Variants in CNGB1 observed in about 807,000 individuals in gnomAD.
The protein encoded by CNGB1 is cyclic nucleotide-gated channel beta-1.
CNGB1 carries 126 observed loss-of-function variants against 151.7 expected under a neutral mutation model. The observed-to-expected ratio is 0.83, with a 90% CI of 0.72 to 0.96. CNGB1 has a LOEUF of 0.96. Among genes scored for constraint, CNGB1 ranks in the 40% least tolerant of loss-of-function variants. The probability of loss-of-function intolerance (pLI) is 0.00; values close to 1 mark genes in which losing one functional copy is unlikely to be tolerated. For synonymous variants in CNGB1, 623 were observed against 635.1 expected (o/e 0.98, Z 0.29); for missense variants, 1,698 against 1,627.0 (o/e 1.04, Z -0.75).
chr16:57,924,309 C>T lies in CNGB1; in HGVS notation c.1536-929G>A, dbSNP rs568380967. The stretch of plus-strand genomic sequence containing the variant: ...TCAAGAGAGAGAAATTCCTTAATAC[C>T]ACCAAGAAACCAAGCTCCAGTGTTA... On this transcript the variant is annotated intron_variant, in intron 17 of 32. Coordinates refer to ENST00000251102, the MANE Select transcript of CNGB1 (RefSeq NM_001297.5). 1.2e-4 allele frequency among the ~76,000 whole-genome samples: 18 copies of T among 151,988 alleles called. No individual in the cohort carries two copies. The South Asian group carries it at 3.8e-3, about 32-fold the overall frequency.
intron 9 of CNGB1, 143 bp downstream of exon 9, chr16:57,960,339 G>A: frequency 8.2e-7 from 1 of 1,225,538 alleles, no homozygotes; most frequent in East Asian, 2.5e-5. Context: ...CCCGCCAACA[G>A]CCTGCTCCAG....
chr16:57,909,932 T>C (rs180846084), intron 25 of CNGB1, among the ~76,000 whole-genome samples: 177 of 152,378 alleles, frequency 1.2e-3, no homozygotes, highest in African/African-American at 3.9e-3. Context: ...CGGTACTATC[T>C]GATGTGATGG....
intron 31 of CNGB1, among the ~76,000 whole-genome samples, chr16:57,890,437 A>G (rs530789669): frequency 6.6e-6 from 1 of 152,324 alleles, no homozygotes; most frequent in Admixed American, 6.5e-5. Flanking sequence ...TGCTGTGAAA[A>G]TGAACTATCT....
chr16:57,897,394 T>C lies in CNGB1; in HGVS notation c.3242+3A>G. ...TTTATTAAACGAAAGAAAAGTTACA[T>C]ACCTGGCTTTCTTCCGGAGTAACTT... On this transcript the variant is annotated splice_donor_region_variant and intron_variant, in intron 31 of 32. Coordinates refer to ENST00000251102, the MANE Select transcript of CNGB1 (RefSeq NM_001297.5). 1.9e-6 allele frequency: 3 copies of C among 1,613,678 alleles called. No individual in the cohort carries two copies. Among genetic ancestry groups the C allele is most frequent in the Non-Finnish European group, 2.5e-6 (3 of 1,179,798 alleles).
intron 25 of CNGB1, among the ~76,000 whole-genome samples, chr16:57,905,851 C>T (rs1348319033): frequency 6.6e-6 from 1 of 152,276 alleles, no homozygotes; most frequent in Non-Finnish European, 1.5e-5. Context: ...GCACCTTGAT[C>T]TTGGACTTCC....
At chr16:57,885,560 C>T (rs185441316) in intron 32 of CNGB1, among the ~76,000 whole-genome samples, 1 of 81,046 alleles carries the variant, frequency 1.2e-5, no homozygotes, top group Admixed American at 1.4e-4. Context: ...CTTCCTTCCT[C>T]TCTCTCTCTC....
chr16:57,912,966 C>A lies in CNGB1; in HGVS notation c.2333G>T (p.Arg778Leu), dbSNP rs374491029. ...KYMAFFEFNS[R>L]LESILSKAYV... Reference sequence around the variant, plus strand: ...GGCTTTGCTGAGGATGGATTCCAGGCGGCTGTTAAACTCGAAGAAGGCCAT... The same window carrying A: ...GGCTTTGCTGAGGATGGATTCCAGGAGGCTGTTAAACTCGAAGAAGGCCAT... Residue 778 changes from arginine to leucine, a missense_variant, in exon 24 of 33, where the codon CGC (arginine) becomes CTC (leucine). Coordinates refer to ENST00000251102, the MANE Select transcript of CNGB1 (RefSeq NM_001297.5). The A allele has an allele frequency of 1.7e-4, 271 of 1,613,840 alleles. 2 individuals carry two copies. The highest frequency in any genetic ancestry group is 2.2e-4 in the Non-Finnish European group (254 of 1,179,920).
At chr16:57,908,518 C>A (rs1228869232) in intron 25 of CNGB1, among the ~76,000 whole-genome samples, 1 of 152,256 alleles carries the variant, frequency 6.6e-6, no homozygotes, top group Non-Finnish European at 1.5e-5. Context: ...GCTGACTGAG[C>A]GCCCACTGTG....
chr16:57,960,678 T>C (rs1179235328), intron 8 of CNGB1, 148 bp from the exon 9 acceptor site: 1 of 1,275,722 alleles, frequency 7.8e-7, no homozygotes, highest in East Asian at 2.5e-5. Context: ...CGGCCCCCTC[T>C]CACAGTCACT....
intron 17 of CNGB1, among the ~76,000 whole-genome samples, chr16:57,929,761 C>G (rs1961295327): frequency 6.6e-6 from 1 of 152,206 alleles, no homozygotes; most frequent in Non-Finnish European, 1.5e-5. Flanking sequence ...GAAAACCAGT[C>G]CCATGATCCA....
At chr16:57,939,949 G>A (rs890000180) in intron 15 of CNGB1, among the ~76,000 whole-genome samples, 2 of 152,268 alleles carry the variant, frequency 1.3e-5, no homozygotes, top group Middle Eastern at 3.4e-3. Flanking sequence ...TAGCCCCCTC[G>A]TGCACAGGTG....
At chr16:57,932,378 A>G (rs1319903293) in intron 16 of CNGB1, among the ~76,000 whole-genome samples, 5 of 150,104 alleles carry the variant, frequency 3.3e-5, no homozygotes, top group Non-Finnish European at 7.4e-5. Flanking sequence ...AGAAGGCACA[A>G]GTACTCACAT....
At chr16:57,897,997 G>C in intron 29 of CNGB1, 83 bp from the exon 30 acceptor site, 2 of 1,432,394 alleles carry the variant, frequency 1.4e-6, no homozygotes, top group East Asian at 2.3e-5. Flanking sequence ...AGAGGCTGGA[G>C]GTCCGGCAAG....
chr16:57,885,978 G>A (rs1000613511), intron 32 of CNGB1, among the ~76,000 whole-genome samples: 6 of 152,152 alleles, frequency 3.9e-5, no homozygotes, highest in Admixed American at 3.9e-4. Context: ...ATGGTGCTAT[G>A]GCTGGAATCA....
chr16:57,897,129 A>G (rs1392673517), intron 31 of CNGB1, among the ~76,000 whole-genome samples: 4 of 151,960 alleles, frequency 2.6e-5, no homozygotes, highest in Non-Finnish European at 4.4e-5. Flanking sequence ...GTGAGACCCC[A>G]GCTCTAGAAA....
chr16:57,948,367 C>T (rs1261234937), intron 14 of CNGB1, among the ~76,000 whole-genome samples: 1 of 148,548 alleles, frequency 6.7e-6, no homozygotes, highest in Non-Finnish European at 1.5e-5. Flanking sequence ...GTTGGCTAGG[C>T]TGGTCTCGAA....
At chr16:57,917,147 T>G in intron 21 of CNGB1, 121 bp downstream of exon 21, 1 of 838,836 alleles carries the variant, frequency 1.2e-6, no homozygotes, top group Non-Finnish European at 2.0e-6. Context: ...CAGCAGCCGT[T>G]CTTGAGATTT....
intron 25 of CNGB1, among the ~76,000 whole-genome samples, chr16:57,909,309 T>C (rs1326141753): frequency 6.6e-6 from 1 of 152,170 alleles, no homozygotes; most frequent in Non-Finnish European, 1.5e-5. Flanking sequence ...GTGGCATATA[T>C]ATGGGAACTC....
At chr16:57,964,650 G>T in intron 2 of CNGB1, 106 bp from the exon 3 acceptor site, 1 of 1,030,294 alleles carries the variant, frequency 9.7e-7, no homozygotes, top group Non-Finnish European at 1.5e-6. Flanking sequence ...CAAAAGACCT[G>T]AACGACTCTT....
Sources: gnomAD v4.1 joint callset for allele counts (sites outside exome capture counted in the v4.1 genomes callset) on GRCh38, gnomAD v4.1.1 for gene constraint, MANE v1.5 for transcripts, NCBI Gene and HGNC (gene_info 2026-07-23, HGNC 2026-07-21) for gene names.